Variants in SCP2 observed in about 807,000 individuals in gnomAD.
SCP2 encodes the protein SCP-2/3-oxoacyl-CoA thiolase.
In SCP2, 48 loss-of-function variants were observed where a neutral mutation model predicts 71.4. The observed-to-expected ratio is 0.67, with a 90% confidence interval of 0.53 to 0.86. The LOEUF (loss-of-function observed/expected upper bound fraction) is 0.86, where lower values mean the gene tolerates loss of function less well. Ranked by LOEUF, SCP2 falls within the 40% of genes least tolerant of loss-of-function variation. The pLI is 0.00. For synonymous variants in SCP2, 220 were observed against 218.1 expected, an observed-to-expected ratio of 1.01 and a Z score of -0.08; for missense variants, 560 against 655.6, an observed-to-expected ratio of 0.85 and a Z score of 1.59.
intron 11 of SCP2, among the ~76,000 whole-genome samples, chr1:52,991,225 A>C (rs1267572310): frequency 6.6e-6 from 1 of 152,146 alleles, no homozygotes; most frequent in Non-Finnish European, 1.5e-5. Flanking sequence ...TGTTCTGTGG[A>C]TTAAGTGAGG....
Position 52,941,782 on chromosome 1 carries a change from T to G in SCP2, c.70-14T>G. 7 of 1,566,474 alleles carry G rather than the reference T, an allele frequency of 4.5e-6. No homozygotes were observed. The highest frequency in any genetic ancestry group is 6.2e-6 in the Non-Finnish European group (7 of 1,136,810). On this transcript the variant is annotated splice_polypyrimidine_tract_variant and intron_variant, in intron 1 of 15. Coordinates refer to ENST00000371514, the MANE Select transcript of SCP2 (RefSeq NM_002979.5). The stretch of plus-strand genomic sequence containing the variant: ...ATACTTGTTTGTATTTATTATCTCT[T>G]TCTATATCTCTAGTTTGTGAAGCCT...
chr1:52,962,388 C>T (rs1316167246), intron 6 of SCP2, among the ~76,000 whole-genome samples: 1 of 152,122 alleles, frequency 6.6e-6, no homozygotes, highest in East Asian at 1.9e-4. Context: ...AGTGTTCTAA[C>T]TGGTTTCTCT....
At chr1:53,044,847 G>C (rs1490309831) in intron 14 of SCP2, among the ~76,000 whole-genome samples, 2 of 152,260 alleles carry the variant, frequency 1.3e-5, no homozygotes, top group South Asian at 2.1e-4. Context: ...ATTAGTCTTT[G>C]TTGTCCAGTC....
rs913738917 is a variant in SCP2, at chr1:53,036,035, A to G, written c.1339-2882A>G. On this transcript the variant is annotated intron_variant, in intron 13 of 15. Transcript: ENST00000371514. ...ACTCCGTCTCAAAAAAAAAAAAAAAAAAAAAGAAAACTGAGATTCAGAAAG... is the reference window on the plus strand; with the variant it reads ...ACTCCGTCTCAAAAAAAAAAAAAAAGAAAAAGAAAACTGAGATTCAGAAAG... 6.0e-5 allele frequency among the ~76,000 whole-genome samples: 9 copies of G among 149,336 alleles called. No individual in the cohort carries two copies. In the East Asian group the frequency reaches 7.8e-4, roughly 13 times the overall value.
chr1:52,980,671 G>A, intron 10 of SCP2, 128 bp downstream of exon 10: 1 of 949,368 alleles, frequency 1.1e-6, no homozygotes, highest in Non-Finnish European at 1.7e-6. Context: ...TGTGGGAAAT[G>A]AATGTAAGCT....
At chr1:52,971,317 C>T (rs1458387892) in intron 6 of SCP2, among the ~76,000 whole-genome samples, 1 of 152,160 alleles carries the variant, frequency 6.6e-6, no homozygotes, top group East Asian at 1.9e-4. Context: ...TCCTCAATTA[C>T]CTGGAAATCC....
At position 52,945,701 on chromosome 1, in the gene SCP2, T is replaced by C. The variant is rs575660129; in HGVS notation, c.128-2308T>C. On this transcript the variant is annotated intron_variant, in intron 2 of 15. Transcript: ENST00000371514. ...CTAGGCAACAGAGTGAGGCTGTGTC[T>C]CAAAAAAAAAATTGTTTGGAAAAGA... Among the ~76,000 whole-genome samples, 6 of 150,496 alleles carry C rather than the reference T, an allele frequency of 4.0e-5. No individual in the cohort carries two copies. In the South Asian group the frequency reaches 1.0e-3, roughly 26 times the overall value.
At chr1:52,994,985 C>A (rs1659820468) in intron 11 of SCP2, 2 of 509,978 alleles carry the variant, frequency 3.9e-6, no homozygotes, top group South Asian at 3.1e-5. Context: ...GTGCTTAAAC[C>A]AGACAACTTT....
rs1661426742 is a variant in SCP2, at chr1:53,017,667, A to G, written c.1235+2624A>G. 2.0e-5 allele frequency among the ~76,000 whole-genome samples: 3 copies of G among 152,178 alleles called. No individual in the cohort carries two copies. In the South Asian group the frequency reaches 6.2e-4, roughly 31 times the overall value. ...CTAAGTTAGCTTGAAAGTTTAACCC[A>G]GTGGGTACTATTTGAAGATCCTAAG... On this transcript the variant is annotated intron_variant, in intron 12 of 15. Coordinates refer to ENST00000371514, the MANE Select transcript of SCP2 (RefSeq NM_002979.5).
At position 52,961,398 on chromosome 1, in the gene SCP2, G is replaced by A. The variant is rs1204793574; in HGVS notation, c.397-105G>A. 5 of 1,172,156 alleles carry A rather than the reference G, an allele frequency of 4.3e-6. No individual in the cohort carries two copies. In the East Asian group the frequency reaches 1.2e-4, roughly 28 times the overall value. The allele number at this position is 1,172,156 out of a possible 1,614,324, so 72.6% of individuals were successfully genotyped here. A position where few individuals can be genotyped will look rare whatever the true frequency, so the allele number is the denominator to read the frequency against. ...TTGATTCACATTGACAATTTCTGGT[G>A]TACTATGTGCTTAGAATAAATAAAT... is the stretch of plus-strand genomic sequence containing the variant. On this transcript the variant is annotated intron_variant, in intron 5 of 15. Transcript: ENST00000371514.
chr1:53,027,363 A>G (rs931782399), intron 12 of SCP2, among the ~76,000 whole-genome samples: 10 of 151,980 alleles, frequency 6.6e-5, no homozygotes, highest in African/African-American at 2.2e-4. Context: ...TAACTATATT[A>G]TTTATTTTTT....
chr1:52,974,578 G>A (rs796786531), intron 6 of SCP2, among the ~76,000 whole-genome samples, 191 bp from the exon 7 acceptor site: 25 of 152,244 alleles, frequency 1.6e-4, no homozygotes, highest in African/African-American at 5.8e-4. Context: ...GATTCAGTTC[G>A]TTAATTAGGC....
chr1:53,049,867 C>T (rs1186573038), intron 15 of SCP2: 1 of 152,136 alleles, frequency 6.6e-6, no homozygotes, highest in Non-Finnish European at 1.5e-5. Flanking sequence ...CTGTTAAAAA[C>T]CTAGGACTAC....
At chr1:52,939,418 C>T (rs1234463353) in intron 1 of SCP2, among the ~76,000 whole-genome samples, 1 of 151,944 alleles carries the variant, frequency 6.6e-6, no homozygotes, top group East Asian at 1.9e-4. Flanking sequence ...TGATTATGAG[C>T]ACCTGTGATC....
intron 11 of SCP2, among the ~76,000 whole-genome samples, chr1:53,010,376 C>T (rs562719775): frequency 7.2e-4 from 110 of 152,330 alleles, no homozygotes; most frequent in African/African-American, 2.6e-3. Flanking sequence ...TTGGAACCAA[C>T]CCAAATGTCC....
intron 11 of SCP2, among the ~76,000 whole-genome samples, chr1:53,010,784 A>C (rs918853712): frequency 1.8e-4 from 27 of 152,200 alleles, no homozygotes; most frequent in South Asian, 4.1e-4. Flanking sequence ...TAACAATAAA[A>C]AAAGGTACTT....
At chr1:53,029,742 C>G (rs1198666581) in intron 13 of SCP2, among the ~76,000 whole-genome samples, 1 of 152,206 alleles carries the variant, frequency 6.6e-6, no homozygotes, top group Non-Finnish European at 1.5e-5. Flanking sequence ...TACAACCGTC[C>G]TGAGGGAGAG....
At position 52,958,643 on chromosome 1, in the gene SCP2, C is replaced by T. The variant is rs540944782; in HGVS notation, c.397-2860C>T. ...TATTGATTGATATTTGATTGTTAGT[C>T]TATCCCATATTCTGGGGTAATGTTT... On this transcript the variant is annotated intron_variant, in intron 5 of 15. Coordinates refer to ENST00000371514, the MANE Select transcript of SCP2 (RefSeq NM_002979.5). Among the ~76,000 whole-genome samples, 52 of 152,220 alleles carry T rather than the reference C, an allele frequency of 3.4e-4. 1 individual carries two copies. The South Asian group carries it at 8.3e-3, about 24-fold the overall frequency.
intron 11 of SCP2, 79 bp from the exon 12 acceptor site, chr1:53,014,806 CTTTAA>C: frequency 2.0e-6 from 3 of 1,498,060 alleles, no homozygotes; most frequent in Non-Finnish European, 1.8e-6. Flanking sequence ...TAATCAAATG[CTTTAA>C]TTTAAAGTCA....
Sources: gnomAD v4.1 joint callset for allele counts (sites outside exome capture counted in the v4.1 genomes callset) on GRCh38, gnomAD v4.1.1 for gene constraint, MANE v1.5 for transcripts, NCBI Gene and HGNC (gene_info 2026-07-23, HGNC 2026-07-21) for gene names.